The following CLIC4 variants were observed in gnomAD, a reference collection of about 807,000 sequenced individuals.
CLIC4 encodes the protein chloride intracellular channel protein 4.
A neutral mutation model predicts 24.6 loss-of-function variants in CLIC4; 13 were observed. That is an observed-to-expected ratio of 0.53 (90% confidence interval 0.34 to 0.84). The LOEUF (loss-of-function observed/expected upper bound fraction) is 0.84, where lower values mean the gene tolerates loss of function less well. Ranked by LOEUF, CLIC4 falls within the 40% of genes least tolerant of loss-of-function variation. The probability of loss-of-function intolerance (pLI) is 0.01; values close to 1 mark genes in which losing one functional copy is unlikely to be tolerated. For missense variants in CLIC4, 227 were observed against 301.7 expected (o/e 0.75, Z 1.83); for synonymous variants, 104 against 111.3 (o/e 0.93, Z 0.41).
intron 1 of CLIC4, among the ~76,000 whole-genome samples, chr1:24,772,897 T>C (rs1639087815): frequency 6.6e-6 from 1 of 152,254 alleles, no homozygotes; most frequent in Admixed American, 6.5e-5. Context: ...TTTATACTAT[T>C]AATAAAATAT....
chr1:24,755,476 T>C (rs1571228613), intron 1 of CLIC4, among the ~76,000 whole-genome samples: 1 of 149,564 alleles, frequency 6.7e-6, no homozygotes, highest in African/African-American at 2.5e-5. Context: ...GTGGTGGTGG[T>C]GGTGAGTGCC....
chr1:24,835,807 GAAGAA>G (rs1639880586), intron 4 of CLIC4, among the ~76,000 whole-genome samples: 1 of 152,214 alleles, frequency 6.6e-6, no homozygotes, highest in Non-Finnish European at 1.5e-5. Flanking sequence ...AGGTAGGAGA[GAAGAA>G]AAGAACACAG....
In CLIC4 at chr1:24,754,804, G is replaced by C. The variant is rs113435185; in HGVS notation, c.72+9179G>C. ...TAACAATGATAGGCCCACTGCCATG[G>C]CTCACACCTGTAATCCCAGCACTTT... On this transcript the variant is annotated intron_variant, in intron 1 of 5. Coordinates refer to ENST00000374379, the MANE Select transcript of CLIC4 (RefSeq NM_013943.3). Among the ~76,000 whole-genome samples, 64 of 152,186 alleles carry C rather than the reference G, an allele frequency of 4.2e-4. 1 individual carries two copies. The highest frequency in any genetic ancestry group is 1.4e-3 in the African/African-American group (58 of 41,548).
At chr1:24,836,163 C>T (rs973648746) in intron 4 of CLIC4, among the ~76,000 whole-genome samples, 1 of 152,144 alleles carries the variant, frequency 6.6e-6, no homozygotes, top group Admixed American at 6.5e-5. Flanking sequence ...AAAGGTTAAT[C>T]AGGAAGATAA....
Position 24,840,818 on chromosome 1 carries a change from A to G in CLIC4, c.643A>G (p.Thr215Ala), listed in dbSNP as rs745839317. The G allele has an allele frequency of 6.2e-7, 1 of 1,609,964 alleles. No individual in the cohort carries two copies. Among genetic ancestry groups the G allele is most frequent in the Admixed American group, 1.7e-5 (1 of 59,370 alleles). ...YRNFDIPKEM[T>A]GIWRYLTNAY... Reference sequence around the variant, plus strand: ...CAACTTTGATATTCCAAAAGAAATGACTGGCATCTGGAGATACCTAACTAA... The same window carrying G: ...CAACTTTGATATTCCAAAAGAAATGGCTGGCATCTGGAGATACCTAACTAA... The change falls in exon 6 of 6, where the codon ACT becomes GCT. Residue 215 changes from threonine to alanine, a missense_variant. Physicochemically the swap from Thr to Ala is moderately conservative, Grantham distance 58. Coordinates refer to ENST00000374379, the MANE Select transcript of CLIC4 (RefSeq NM_013943.3).
chr1:24,835,708 G>A (rs908102953), intron 4 of CLIC4, among the ~76,000 whole-genome samples: 184 of 152,200 alleles, frequency 1.2e-3, no homozygotes, highest in African/African-American at 3.4e-3. Context: ...ACTTTAATGA[G>A]TCAAGGAAAC....
intron 1 of CLIC4, among the ~76,000 whole-genome samples, chr1:24,768,039 C>T (rs1639025115): frequency 6.6e-6 from 1 of 152,010 alleles, no homozygotes; most frequent in Non-Finnish European, 1.5e-5. Flanking sequence ...CGGGATTTCT[C>T]CATGTTGGTC....
At chr1:24,827,149 C>CA (rs1223240633) in intron 4 of CLIC4, 33 bp downstream of exon 4, 51 of 1,313,284 alleles carry the variant, frequency 3.9e-5, no homozygotes, top group Non-Finnish European at 5.1e-5. Context: ...AACATTGCAA[C>CA]AAAAAACCCC....
intron 1 of CLIC4, among the ~76,000 whole-genome samples, chr1:24,760,381 A>T (rs3120833): frequency 1.3e-5 from 2 of 152,124 alleles, no homozygotes; most frequent in Non-Finnish European, 2.9e-5. Context: ...AAAAAGAAAA[A>T]GAAAAGAAAA....
intron 1 of CLIC4, among the ~76,000 whole-genome samples, chr1:24,747,095 AT>A (rs749648001): frequency 0.043 from 5,202 of 120,246 alleles, 199 homozygotes; most frequent in African/African-American, 0.13. Flanking sequence ...TCAATTTTCG[AT>A]TTTTTTTTTT....
chr1:24,843,393 AAAT>A lies in CLIC4; in HGVS notation c.*2460_*2462del, dbSNP rs1299413794. The A allele has an allele frequency of 6.6e-6, 1 of 152,222 alleles. No individual in the cohort carries two copies. Among genetic ancestry groups the A allele is most frequent in the Non-Finnish European group, 1.5e-5 (1 of 68,022 alleles). 9.4% of individuals were successfully genotyped at this position (152,222 alleles called of 1,614,324 possible). On this transcript the variant is annotated 3_prime_UTR_variant, in exon 6 of 6. Coordinates refer to ENST00000374379, the MANE Select transcript of CLIC4 (RefSeq NM_013943.3). ...TGCAGTATATGAATTGCCATAATGGAAATAATCTGATTTTATTTTTACAACTAA... is the reference window on the plus strand; with the variant it reads ...TGCAGTATATGAATTGCCATAATGGAAATCTGATTTTATTTTTACAACTAA...
chr1:24,792,737 C>T (rs1415512290), intron 1 of CLIC4, among the ~76,000 whole-genome samples: 3 of 152,078 alleles, frequency 2.0e-5, no homozygotes, highest in South Asian at 2.1e-4. Context: ...AGATGTGTAA[C>T]GAGCTTCTGA....
At chr1:24,799,542 C>G (rs576131753) in intron 2 of CLIC4, among the ~76,000 whole-genome samples, 4 of 151,644 alleles carry the variant, frequency 2.6e-5, no homozygotes, top group South Asian at 2.1e-4. Context: ...GCAGCCCCCC[C>G]ATCTGGGAAG....
chr1:24,770,805 A>T (rs1385000966), intron 1 of CLIC4, among the ~76,000 whole-genome samples: 2 of 151,916 alleles, frequency 1.3e-5, no homozygotes, highest in Non-Finnish European at 2.9e-5. Context: ...GGCTGGACTC[A>T]TCTTTGTAAG....
intron 1 of CLIC4, among the ~76,000 whole-genome samples, chr1:24,755,482 G>A (rs930835793): frequency 2.7e-5 from 4 of 150,686 alleles, no homozygotes; most frequent in Non-Finnish European, 1.5e-5. Flanking sequence ...GTGGTGGTGA[G>A]TGCCTCTAGA....
At chr1:24,835,279 C>T (rs910378912) in intron 4 of CLIC4, among the ~76,000 whole-genome samples, 3 of 152,174 alleles carry the variant, frequency 2.0e-5, no homozygotes, top group Admixed American at 1.3e-4. Context: ...AAAATATTAC[C>T]GGGTCAGGTG....
intron 4 of CLIC4, among the ~76,000 whole-genome samples, chr1:24,837,294 T>C (rs1481146183): frequency 6.6e-6 from 1 of 152,184 alleles, no homozygotes; most frequent in Non-Finnish European, 1.5e-5. Context: ...TGAAAAAATT[T>C]ATGCTTATAA....
intron 1 of CLIC4, among the ~76,000 whole-genome samples, chr1:24,756,949 G>A (rs1269361911): frequency 6.6e-6 from 1 of 151,434 alleles, no homozygotes; most frequent in African/African-American, 2.4e-5. Flanking sequence ...AGGCTGGAGT[G>A]CAATGGCACG....
Position 24,745,503 on chromosome 1 carries a change from A to G in CLIC4, c.-51A>G. 1.3e-6 allele frequency: 2 copies of G among 1,506,622 alleles called. No homozygotes were observed. Among genetic ancestry groups the G allele is most frequent in the Non-Finnish European group, 1.8e-6 (2 of 1,114,044 alleles). 93.3% of individuals were successfully genotyped at this position (1,506,622 alleles called of 1,614,324 possible). A position where few individuals can be genotyped will look rare whatever the true frequency, so the allele number is the denominator to read the frequency against. ...GCCGGAGCAGTCCCGGAGCAGAAGC[A>G]GCAGCAGCAGCAGCAGCCCTCGCCG... On this transcript the variant is annotated 5_prime_UTR_variant, in exon 1 of 6. Transcript: ENST00000374379.
Sources: allele counts gnomAD v4.1 joint callset (sites outside exome capture counted in the v4.1 genomes callset), GRCh38; gene constraint gnomAD v4.1.1; transcripts MANE v1.5; gene names NCBI Gene and HGNC (gene_info 2026-07-23, HGNC 2026-07-21).